RAP1GAP2: variants seen among roughly 807,000 people sequenced by gnomAD.
RAP1GAP2 encodes the protein rap1 GTPase-activating protein 2.
A neutral mutation model predicts 95.0 loss-of-function variants in RAP1GAP2; 27 were observed. That is an observed-to-expected ratio of 0.28 (90% CI 0.21 to 0.39). The LOEUF is 0.39. RAP1GAP2 is among the 10% of genes least tolerant of loss of function. The pLI is 1.00. For synonymous variants in RAP1GAP2, 373 were observed against 380.9 expected (o/e 0.98, Z 0.24); for missense variants, 771 against 970.0 (o/e 0.79, Z 2.72).
chr17:2,801,594 GGTATGTGTGTGTGTGTGTGTGTGTGTGT>G (rs2069296966), intron 2 of RAP1GAP2, among the ~76,000 whole-genome samples: 1 of 125,962 alleles, frequency 7.9e-6, no homozygotes, highest in Admixed American at 7.6e-5. Context: ...AACACTCCAG[GGTATGTGTGTGTGTGTGTGTGTGTGTGT>G]GTGTGTGTGT....
At chr17:2,793,420 T>C (rs1360681422), upstream of RAP1GAP2, among the ~76,000 whole-genome samples, 1 of 152,260 alleles carries the variant, frequency 6.6e-6, no homozygotes, top group Non-Finnish European at 1.5e-5. Context: ...TCCCAAAGTG[T>C]TGGGATTACA....
At chr17:2,931,513 C>T (rs2043155412) in intron 3 of RAP1GAP2, among the ~76,000 whole-genome samples, 1 of 152,166 alleles carries the variant, frequency 6.6e-6, no homozygotes, top group Non-Finnish European at 1.5e-5. Flanking sequence ...CTCGTTTGCC[C>T]CAGCACCCCC....
intron 1 of RAP1GAP2, among the ~76,000 whole-genome samples, chr17:2,764,153 T>C (rs779080770): frequency 1.3e-5 from 2 of 152,162 alleles, no homozygotes; most frequent in Non-Finnish European, 2.9e-5. Context: ...TAAAATAGGC[T>C]GTGCGCAGTG....
intron 2 of RAP1GAP2, among the ~76,000 whole-genome samples, chr17:2,833,534 CA>C (rs1299966966): frequency 6.6e-6 from 1 of 151,426 alleles, no homozygotes; most frequent in Admixed American, 6.6e-5. Context: ...ACTAAAAATA[CA>C]AAAAATGAGC....
chr17:2,865,557 C>T lies in RAP1GAP2; in HGVS notation c.81-39727C>T, dbSNP rs183718209. Among the ~76,000 whole-genome samples, 17 of 152,262 alleles carry T rather than the reference C, an allele frequency of 1.1e-4. No homozygotes were observed. The East Asian group carries it at 1.2e-3, about 10-fold the overall frequency. On this transcript the variant is annotated intron_variant, in intron 2 of 24. Transcript: ENST00000254695. ...CTGTGCCATCTGTATTTTAATAGAA[C>T]GTCTATTTTAATAAGATCTTTGAGA...
chr17:2,876,734 C>T lies in RAP1GAP2; in HGVS notation c.81-28550C>T, dbSNP rs537692899. Among the ~76,000 whole-genome samples the T allele has an allele frequency of 2.1e-3, 314 of 152,186 alleles. 1 individual carries two copies. Among genetic ancestry groups the T allele is most frequent in the Non-Finnish European group, 3.7e-3 (254 of 68,018 alleles). ...ATGCTGGTCAGCTGGGGCTGAATTC[C>T]AAAGGCGAGGAGAGCATAAGGAGGC... On this transcript the variant is annotated intron_variant, in intron 2 of 24. Coordinates refer to ENST00000254695, the MANE Select transcript of RAP1GAP2 (RefSeq NM_015085.5).
At chr17:2,882,332 C>A (rs1188450166) in intron 2 of RAP1GAP2, among the ~76,000 whole-genome samples, 1 of 151,202 alleles carries the variant, frequency 6.6e-6, no homozygotes, top group African/African-American at 2.4e-5. Flanking sequence ...ACTCTTGTCC[C>A]CCAGGGTGGA....
At chr17:2,793,659 G>C (rs2068989017), upstream of RAP1GAP2, among the ~76,000 whole-genome samples, 1 of 152,232 alleles carries the variant, frequency 6.6e-6, no homozygotes, top group South Asian at 2.1e-4. Flanking sequence ...CTTTTCTTTA[G>C]TTGGGACTTT....
intron 3 of RAP1GAP2, among the ~76,000 whole-genome samples, chr17:2,945,458 C>A (rs368890098): frequency 5.3e-5 from 8 of 152,078 alleles, no homozygotes; most frequent in African/African-American, 1.9e-4. Flanking sequence ...GTTTCCTTTC[C>A]GTGGTAGATA....
At chr17:2,971,885 G>T (rs947323191) in intron 8 of RAP1GAP2, among the ~76,000 whole-genome samples, 1 of 152,088 alleles carries the variant, frequency 6.6e-6, no homozygotes, top group Non-Finnish European at 1.5e-5. Context: ...ATAAACCTAG[G>T]TTTCTTTTGG....
chr17:2,849,653 C>A (rs1473297144), intron 2 of RAP1GAP2, among the ~76,000 whole-genome samples: 2 of 152,142 alleles, frequency 1.3e-5, no homozygotes, highest in Admixed American at 6.5e-5. Context: ...GGAAGAGAGA[C>A]CTGGGCTGGC....
intron 1 of RAP1GAP2, among the ~76,000 whole-genome samples, chr17:2,785,695 C>G (rs556689475): frequency 6.0e-4 from 92 of 152,162 alleles, no homozygotes; most frequent in Non-Finnish European, 1.0e-3. Flanking sequence ...TCGGGAAGCT[C>G]GGTTCTTAAG....
At chr17:2,854,239 A>C in intron 2 of RAP1GAP2, 1 of 801,592 alleles carries the variant, frequency 1.2e-6, no homozygotes, top group Non-Finnish European at 1.5e-6. Context: ...CGTCGTGCGA[A>C]CCGAGTTCGG....
intron 2 of RAP1GAP2, among the ~76,000 whole-genome samples, chr17:2,814,737 C>A (rs995470787): frequency 6.6e-6 from 1 of 152,142 alleles, no homozygotes; most frequent in African/African-American, 2.4e-5. Context: ...GGTACCACCC[C>A]CCCCAACCCC....
chr17:2,800,611 CT>C, intron 2 of RAP1GAP2, 61 bp downstream of exon 2: 1 of 1,553,212 alleles, frequency 6.4e-7, no homozygotes, highest in Non-Finnish European at 8.8e-7. Context: ...GCGCCGGGCC[CT>C]TGCTCCCCCC....
At chr17:2,837,220 C>T (rs2071169838) in intron 2 of RAP1GAP2, among the ~76,000 whole-genome samples, 1 of 149,172 alleles carries the variant, frequency 6.7e-6, no homozygotes, top group African/African-American at 2.5e-5. Flanking sequence ...CACTGCACTC[C>T]AGCCTGGGTG....
intron 2 of RAP1GAP2, among the ~76,000 whole-genome samples, chr17:2,887,966 G>A (rs533231044): frequency 1.1e-4 from 16 of 152,248 alleles, no homozygotes; most frequent in Admixed American, 6.5e-4. Context: ...GAACCGCTGC[G>A]CCTGGCCTAA....
At chr17:2,815,628 C>T (rs183707860) in intron 2 of RAP1GAP2, among the ~76,000 whole-genome samples, 157 of 152,062 alleles carry the variant, frequency 1.0e-3, no homozygotes, top group African/African-American at 3.6e-3. Context: ...ATTACAGGCG[C>T]GCACCACCAC....
In RAP1GAP2 at chr17:2,943,943, A is replaced by T. The variant is rs540625734; in HGVS notation, c.166-13816A>T. ...GGAGGGCGGACCATGAGGTCAGGAG[A>T]TCGAGACCATCCTGGCCAACATGGT... On this transcript the variant is annotated intron_variant, in intron 3 of 24. Transcript: ENST00000254695. Among the ~76,000 whole-genome samples the T allele has an allele frequency of 9.9e-5, 15 of 152,020 alleles. No homozygotes were observed. The South Asian group carries it at 2.7e-3, about 27-fold the overall frequency.
Sources: gnomAD v4.1 joint callset for allele counts (sites outside exome capture counted in the v4.1 genomes callset) on GRCh38, gnomAD v4.1.1 for gene constraint, MANE v1.5 for transcripts, NCBI Gene and HGNC (gene_info 2026-07-23, HGNC 2026-07-21) for gene names.